RAB7A: variants seen among roughly 807,000 people sequenced by gnomAD.
RAB7A encodes the protein RAB7A, member RAS oncogene family.
In RAB7A, 2 loss-of-function variants were observed where a neutral mutation model predicts 24.5. The ratio of observed to expected loss-of-function variants is 0.08; its 90% CI spans 0.03 to 0.26. RAB7A has a LOEUF of 0.26. Among genes scored for constraint, RAB7A ranks in the 10% least tolerant of loss-of-function variants. RAB7A has a pLI of 1.00. For missense variants in RAB7A, 118 were observed against 255.7 expected, an observed-to-expected ratio of 0.46 and a Z score of 3.67; for synonymous variants, 100 against 95.9, an observed-to-expected ratio of 1.04 and a Z score of -0.25.
chr3:128,806,256 T>G, intron 3 of RAB7A, 116 bp from the exon 4 acceptor site: 1 of 860,590 alleles, frequency 1.2e-6, no homozygotes, highest in East Asian at 2.6e-5. Flanking sequence ...TCTGGTGTCA[T>G]TTGTCTTTGT....
At chr3:128,769,173 C>T (rs576964367) in intron 1 of RAB7A, among the ~76,000 whole-genome samples, 26 of 151,804 alleles carry the variant, frequency 1.7e-4, no homozygotes, top group African/African-American at 5.8e-4. Context: ...GGATTACAGG[C>T]ATGAGCCACC....
At chr3:128,729,640 G>A (rs1267608997) in intron 1 of RAB7A, among the ~76,000 whole-genome samples, 2 of 151,102 alleles carry the variant, frequency 1.3e-5, no homozygotes, top group Non-Finnish European at 2.9e-5. Flanking sequence ...TTTGGCATTA[G>A]ACTTTGTAAA....
chr3:128,737,446 C>T (rs1402177753), intron 1 of RAB7A, among the ~76,000 whole-genome samples: 4 of 150,328 alleles, frequency 2.7e-5, no homozygotes, highest in African/African-American at 7.4e-5. Flanking sequence ...CAGGCTCAAG[C>T]GATCCTCCCA....
At chr3:128,789,021 G>A (rs1463669065) in intron 1 of RAB7A, among the ~76,000 whole-genome samples, 4 of 152,206 alleles carry the variant, frequency 2.6e-5, no homozygotes, top group African/African-American at 9.7e-5. Context: ...TCAAATACTG[G>A]TACCAATACT....
At position 128,741,212 on chromosome 3, in the gene RAB7A, CT is replaced by C. The variant is rs1485042249; in HGVS notation, c.-9+14857del. ...ACTTTATATGGCAAGAATTTTGATC[CT>C]TTTCGTGTTGCAAACATTATTCCTG... On this transcript the variant is annotated intron_variant, in intron 1 of 5. Coordinates refer to ENST00000265062, the MANE Select transcript of RAB7A (RefSeq NM_004637.6). 2.0e-5 allele frequency among the ~76,000 whole-genome samples: 3 copies of C among 151,950 alleles called. No homozygotes were observed. In the East Asian group the frequency reaches 5.8e-4, roughly 29 times the overall value.
chr3:128,741,603 C>G (rs192396730), intron 1 of RAB7A, among the ~76,000 whole-genome samples: 2 of 151,974 alleles, frequency 1.3e-5, no homozygotes, highest in African/African-American at 2.4e-5. Flanking sequence ...AGGCTGGTCT[C>G]GAACTCCTGC....
intron 1 of RAB7A, among the ~76,000 whole-genome samples, chr3:128,740,871 A>T (rs910506124): frequency 7.3e-6 from 1 of 136,122 alleles, no homozygotes; most frequent in African/African-American, 2.7e-5. Flanking sequence ...ACTGTACTCC[A>T]GCCTAGGTGA....
chr3:128,739,622 AATAC>A (rs1222025836), intron 1 of RAB7A, among the ~76,000 whole-genome samples: 2 of 152,212 alleles, frequency 1.3e-5, no homozygotes, highest in Non-Finnish European at 2.9e-5. Flanking sequence ...GAGATCATAA[AATAC>A]ATACTCTTCT....
At chr3:128,776,037 C>T (rs1933079812) in intron 1 of RAB7A, among the ~76,000 whole-genome samples, 1 of 152,104 alleles carries the variant, frequency 6.6e-6, no homozygotes, top group Non-Finnish European at 1.5e-5. Flanking sequence ...GCCATTGTCT[C>T]CCCAGTCACC....
rs950265229 is a variant in RAB7A at position 128,814,338 on chromosome 3, A to C, written c.*916A>C. 1.3e-5 allele frequency: 2 copies of C among 152,692 alleles called. No individual in the cohort carries two copies. The highest frequency in any genetic ancestry group is 4.8e-5 in the African/African-American group (2 of 41,456). 9.5% of individuals were successfully genotyped at this position (152,692 alleles called of 1,614,324 possible). On this transcript the variant is annotated 3_prime_UTR_variant, in exon 6 of 6. Transcript: ENST00000265062. ...TGTGTCTAAATTTTCCAAAACGTTGATTTGCATAATACAGTGGTATGTGCA... is the reference window on the plus strand; with the variant it reads ...TGTGTCTAAATTTTCCAAAACGTTGCTTTGCATAATACAGTGGTATGTGCA...
At chr3:128,809,009 A>G (rs1933861700) in intron 5 of RAB7A, among the ~76,000 whole-genome samples, 1 of 152,148 alleles carries the variant, frequency 6.6e-6, no homozygotes, top group Non-Finnish European at 1.5e-5. Flanking sequence ...GCAGACCAAG[A>G]TGCAGACTTG....
intron 1 of RAB7A, among the ~76,000 whole-genome samples, chr3:128,779,220 C>A (rs1933160469): frequency 6.6e-6 from 1 of 152,078 alleles, no homozygotes; most frequent in Non-Finnish European, 1.5e-5. Context: ...TTGAGACCAG[C>A]CTGGCCAACA....
At chr3:128,744,102 TAA>T (rs58045599) in intron 1 of RAB7A, among the ~76,000 whole-genome samples, 9 of 141,990 alleles carry the variant, frequency 6.3e-5, no homozygotes, top group Admixed American at 1.4e-4. Flanking sequence ...TTCTTGCTCT[TAA>T]AAAAAAAAAA....
chr3:128,731,315 T>A (rs1219360138), intron 1 of RAB7A, among the ~76,000 whole-genome samples: 1 of 152,190 alleles, frequency 6.6e-6, no homozygotes, highest in Non-Finnish European at 1.5e-5. Flanking sequence ...TTATATGTGG[T>A]ATTCAGTCAG....
chr3:128,795,449 G>A, intron 2 of RAB7A, 29 bp downstream of exon 2: 1 of 1,592,298 alleles, frequency 6.3e-7, no homozygotes, highest in Non-Finnish European at 8.6e-7. Context: ...TGAGCTAACA[G>A]ATTGGCTTAG....
intron 1 of RAB7A, among the ~76,000 whole-genome samples, chr3:128,761,277 T>C (rs1348522344): frequency 6.6e-6 from 1 of 152,208 alleles, no homozygotes; most frequent in African/African-American, 2.4e-5. Context: ...TCTAACCCCT[T>C]TTGTGTTGAG....
chr3:128,773,960 C>T (rs909821937), intron 1 of RAB7A, among the ~76,000 whole-genome samples: 2 of 150,456 alleles, frequency 1.3e-5, no homozygotes, highest in African/African-American at 5.0e-5. Context: ...CCTCAGGGTC[C>T]TCTGCCTAGG....
At chr3:128,769,312 T>C (rs1007960858) in intron 1 of RAB7A, among the ~76,000 whole-genome samples, 1 of 152,160 alleles carries the variant, frequency 6.6e-6, no homozygotes, top group African/African-American at 2.4e-5. Flanking sequence ...CAACACAGCA[T>C]GGTCATTTAA....
intron 1 of RAB7A, among the ~76,000 whole-genome samples, chr3:128,794,006 G>A (rs953667627): frequency 6.6e-6 from 1 of 152,214 alleles, no homozygotes; most frequent in Non-Finnish European, 1.5e-5. Flanking sequence ...TTTCAAGAGC[G>A]TAGGCCTTCT....
Sources: gnomAD v4.1 joint callset for allele counts (sites outside exome capture counted in the v4.1 genomes callset) on GRCh38, gnomAD v4.1.1 for gene constraint, MANE v1.5 for transcripts, NCBI Gene and HGNC (gene_info 2026-07-23, HGNC 2026-07-21) for gene names.